The following KCNN2 variants were observed in gnomAD, a reference collection of about 807,000 sequenced individuals.
KCNN2 encodes small conductance calcium-activated potassium channel protein 2.
Under a neutral mutation model 55.5 loss-of-function variants are expected in KCNN2, and 24 were observed. The ratio of observed to expected loss-of-function variants is 0.43; its 90% confidence interval spans 0.31 to 0.61. KCNN2 has a LOEUF of 0.61. KCNN2 is among the 20% of genes least tolerant of loss of function. The probability of loss-of-function intolerance (pLI) is 0.08; values close to 1 mark genes in which losing one functional copy is unlikely to be tolerated. For missense variants in KCNN2, 754 were observed against 853.6 expected, an observed-to-expected ratio of 0.88 and a Z score of 1.45; for synonymous variants, 431 against 336.1, an observed-to-expected ratio of 1.28 and a Z score of -3.09.
intron 2 of KCNN2, among the ~76,000 whole-genome samples, chr5:114,308,757 C>T (rs1021943813): frequency 1.3e-5 from 2 of 152,086 alleles, no homozygotes; most frequent in Admixed American, 1.3e-4. Flanking sequence ...GCTAATGGCT[C>T]ACACCAGGAT....
intron 1 of KCNN2, among the ~76,000 whole-genome samples, chr5:114,074,310 G>C (rs57964939): frequency 7.2e-6 from 1 of 139,096 alleles, no homozygotes; most frequent in Non-Finnish European, 1.5e-5. Flanking sequence ...GTGTGTGTGT[G>C]TGTGTGTGTG....
intron 1 of KCNN2, among the ~76,000 whole-genome samples, chr5:114,155,472 C>T (rs1752611356): frequency 6.6e-6 from 1 of 152,120 alleles, no homozygotes; most frequent in African/African-American, 2.4e-5. Flanking sequence ...CACTGTCTTC[C>T]ATAATGGCTG....
At chr5:114,168,674 G>T (rs1031350200) in intron 1 of KCNN2, among the ~76,000 whole-genome samples, 1 of 152,090 alleles carries the variant, frequency 6.6e-6, no homozygotes, top group Non-Finnish European at 1.5e-5. Context: ...TTGGCACAAT[G>T]ACATGTTGTG....
chr5:114,419,665 A>G (rs1040149712), intron 3 of KCNN2, among the ~76,000 whole-genome samples: 6 of 152,210 alleles, frequency 3.9e-5, no homozygotes, highest in East Asian at 1.9e-4. Flanking sequence ...AGCTAGATGC[A>G]TAAGTAATTT....
chr5:114,430,636 A>G (rs1164927723), intron 3 of KCNN2, among the ~76,000 whole-genome samples: 1 of 152,120 alleles, frequency 6.6e-6, no homozygotes, highest in African/African-American at 2.4e-5. Flanking sequence ...TTGAATAGGA[A>G]TGATGAGAAC....
At chr5:114,149,978 C>A (rs567952874) in intron 1 of KCNN2, among the ~76,000 whole-genome samples, 1 of 152,168 alleles carries the variant, frequency 6.6e-6, no homozygotes, top group East Asian at 1.9e-4. Context: ...CCACAAGGGT[C>A]GCATTCCATT....
chr5:114,140,669 T>C (rs562006605), intron 1 of KCNN2, among the ~76,000 whole-genome samples: 2 of 151,822 alleles, frequency 1.3e-5, no homozygotes, highest in African/African-American at 4.8e-5. Flanking sequence ...GGTTTTTTTC[T>C]ATGTATTTAT....
At chr5:114,196,168 A>G (rs1229694248) in intron 1 of KCNN2, among the ~76,000 whole-genome samples, 5 of 151,994 alleles carry the variant, frequency 3.3e-5, no homozygotes, top group African/African-American at 9.7e-5. Context: ...TATTACATTA[A>G]TTGACTTCCA....
intron 2 of KCNN2, among the ~76,000 whole-genome samples, chr5:114,364,896 GT>G (rs201060943): frequency 0.016 from 2,407 of 146,682 alleles, 56 homozygotes; most frequent in African/African-American, 0.052. Flanking sequence ...TATTTTCTGA[GT>G]TTTTTTTTTT....
intron 1 of KCNN2, among the ~76,000 whole-genome samples, chr5:114,070,359 A>G (rs924949334): frequency 3.3e-5 from 5 of 152,196 alleles, no homozygotes; most frequent in Admixed American, 1.3e-4. Context: ...TGTTTCAGCT[A>G]CACTCCATTA....
intron 3 of KCNN2, among the ~76,000 whole-genome samples, chr5:114,425,558 G>A (rs1044419431): frequency 6.6e-6 from 1 of 152,066 alleles, no homozygotes; most frequent in African/African-American, 2.4e-5. Flanking sequence ...AACCAGCCTT[G>A]GTTAAATCAA....
At chr5:114,179,907 G>T (rs564450741) in intron 1 of KCNN2, among the ~76,000 whole-genome samples, 1 of 152,208 alleles carries the variant, frequency 6.6e-6, no homozygotes, top group Middle Eastern at 3.4e-3. Flanking sequence ...AATATTTAGA[G>T]AAATAAAACA....
intron 2 of KCNN2, among the ~76,000 whole-genome samples, chr5:114,304,969 G>T (rs1023956568): frequency 2.0e-5 from 3 of 152,132 alleles, no homozygotes; most frequent in Admixed American, 6.5e-5. Flanking sequence ...TAAAGTATTT[G>T]CCAAAATAAC....
At chr5:114,487,334 T>C (rs1443508340) in intron 6 of KCNN2, among the ~76,000 whole-genome samples, 157 bp downstream of exon 6, 2 of 152,202 alleles carry the variant, frequency 1.3e-5, no homozygotes, top group Non-Finnish European at 2.9e-5. Context: ...CACAATAAGA[T>C]CCTGAGAATA....
intron 2 of KCNN2, among the ~76,000 whole-genome samples, chr5:114,341,932 C>T (rs544670749): frequency 8.2e-4 from 122 of 148,112 alleles, no homozygotes; most frequent in South Asian, 3.2e-3. Context: ...GACGGAATCT[C>T]GCTCTGTCAC....
chr5:114,433,438 T>C (rs915534715), intron 3 of KCNN2: 2 of 152,194 alleles, frequency 1.3e-5, no homozygotes, highest in Non-Finnish European at 2.9e-5. Flanking sequence ...AACAGACCAC[T>C]CGGCTCTACC....
At chr5:114,232,413 CTAAA>C (rs1329974517) in intron 2 of KCNN2, among the ~76,000 whole-genome samples, 1 of 151,040 alleles carries the variant, frequency 6.6e-6, no homozygotes, top group Non-Finnish European at 1.5e-5. Context: ...AAAATAAAAA[CTAAA>C]TAATCACTGG....
intron 2 of KCNN2, among the ~76,000 whole-genome samples, chr5:114,281,941 C>T (rs913793546): frequency 6.6e-6 from 1 of 151,676 alleles, no homozygotes; most frequent in African/African-American, 2.4e-5. Flanking sequence ...TGGAAAGTCA[C>T]CCATTACTTT....
At chr5:114,469,512 G>A (rs1330317326) in intron 4 of KCNN2, among the ~76,000 whole-genome samples, 2 of 152,156 alleles carry the variant, frequency 1.3e-5, no homozygotes, top group Non-Finnish European at 2.9e-5. Context: ...TTTGGTGAAA[G>A]GAATATGACT....
Sources: gnomAD v4.1 joint callset for allele counts (sites outside exome capture counted in the v4.1 genomes callset) on GRCh38, gnomAD v4.1.1 for gene constraint, MANE v1.5 for transcripts, NCBI Gene and HGNC (gene_info 2026-07-23, HGNC 2026-07-21) for gene names.